The following PUS7 variants were observed in gnomAD, a reference collection of about 807,000 sequenced individuals.
The protein encoded by PUS7 is pseudouridine synthase 7.
In PUS7, 48 loss-of-function variants were observed where a neutral mutation model predicts 79.8. That is an observed-to-expected ratio of 0.60 (90% CI 0.48 to 0.76). PUS7 has a LOEUF of 0.76. PUS7 is among the 30% of genes least tolerant of loss of function. PUS7 has a pLI of 0.00. For missense variants in PUS7, 729 were observed against 797.6 expected, an observed-to-expected ratio of 0.91 and a Z score of 1.04; for synonymous variants, 286 against 272.2, an observed-to-expected ratio of 1.05 and a Z score of -0.50.
At chr7:105,468,495 C>T (rs746076425) in intron 11 of PUS7, 32 bp from the exon 12 acceptor site, 20 of 1,545,502 alleles carry the variant, frequency 1.3e-5, no homozygotes, top group Non-Finnish European at 1.6e-5. Context: ...GGCAAGAAAA[C>T]ATATTCTAAA....
chr7:105,513,492 T>C (rs905090516), intron 1 of PUS7, among the ~76,000 whole-genome samples: 63 of 152,366 alleles, frequency 4.1e-4, no homozygotes, highest in African/African-American at 1.5e-3. Context: ...AGGTCTGTAA[T>C]AGCTCCTCTT....
At position 105,457,888 on chromosome 7, in the gene PUS7, G is replaced by T; in HGVS notation, c.1888C>A (p.Pro630Thr). 1 of 1,613,914 alleles carries T rather than the reference G, an allele frequency of 6.2e-7. No homozygotes were observed. Among genetic ancestry groups the T allele is most frequent in the South Asian group, 1.1e-5 (1 of 91,064 alleles). Residue 630 changes from proline to threonine, a missense_variant, in exon 16 of 16, where the codon CCC (proline) becomes ACC (threonine). By Grantham distance (38) the Pro-to-Thr change is conservative. Transcript: ENST00000469408. ...YRALKMDFSLPPSTYATMAIR... is the reference protein window; with the variant it reads ...YRALKMDFSLTPSTYATMAIR... ...GCCATGGTGGCGTAAGTAGAAGGGG[G>T]TAGAGAAAAATCCATTTTCAGAGCC...
chr7:105,491,596 G>A lies in PUS7; in HGVS notation c.864C>T (p.Ser288=). 1 of 1,598,634 alleles carries A rather than the reference G, an allele frequency of 6.3e-7. No homozygotes were observed. Among genetic ancestry groups the A allele is most frequent in the Non-Finnish European group, 8.6e-7 (1 of 1,166,422 alleles). ...KYLRVKPNIF[S]YMGTKDKRAI... is the part of the protein sequence containing the mutation. ...CCCTTTTATCTTTGGTTCCCATGTAGGAGAATATATTTGGCTTGACTCTGG... is the reference window on the plus strand; with the variant it reads ...CCCTTTTATCTTTGGTTCCCATGTAAGAGAATATATTTGGCTTGACTCTGG... Residue 288 remains serine, a synonymous_variant, in exon 7 of 16, where the codon TCC becomes TCT. Coordinates refer to ENST00000469408, the MANE Select transcript of PUS7 (RefSeq NM_019042.5).
In PUS7 at chr7:105,471,249, T is replaced by C. The variant is rs576256806; in HGVS notation, c.1238-401A>G. On this transcript the variant is annotated intron_variant, in intron 10 of 15. Transcript: ENST00000469408. ...ATTACCCAAAGTGAGCACAATTATT[T>C]TGACAATCAGTAGTTTAATCCTTTT... 2.6e-5 allele frequency among the ~76,000 whole-genome samples: 4 copies of C among 152,330 alleles called. No homozygotes were observed. In the South Asian group the frequency reaches 8.3e-4, roughly 32 times the overall value.
In PUS7 at chr7:105,495,240, A is replaced by G. The variant is rs368537795; in HGVS notation, c.744T>C (p.His248=). The G allele has an allele frequency of 6.2e-7, 1 of 1,603,178 alleles. No homozygotes were observed. Among genetic ancestry groups the G allele is most frequent in the East Asian group, 2.2e-5 (1 of 44,736 alleles). ...GKKALANPRK[H]SWPKSRGSYC... ...AACTTCCCCTAGATTTTGGCCAAGA[A>G]TGTTTTCTTGGATCTTGAAAGCAAA... Residue 248 remains histidine (H), a synonymous_variant, in exon 6 of 16, where the codon CAT becomes CAC. Coordinates refer to ENST00000469408, the MANE Select transcript of PUS7 (RefSeq NM_019042.5).
At chr7:105,511,335 A>T (rs544492240) in intron 1 of PUS7, among the ~76,000 whole-genome samples, 14 of 149,958 alleles carry the variant, frequency 9.3e-5, no homozygotes, top group African/African-American at 3.4e-4. Context: ...ACCTGGCCCC[A>T]TTCCCGTTTA....
chr7:105,516,360 G>C (rs1286017225), intron 1 of PUS7, among the ~76,000 whole-genome samples: 1 of 152,128 alleles, frequency 6.6e-6, no homozygotes, highest in South Asian at 2.1e-4. Flanking sequence ...TAGAAGAACT[G>C]TTCAGAGCTC....
intron 5 of PUS7, among the ~76,000 whole-genome samples, chr7:105,501,237 TAAAC>T (rs1423662013): frequency 6.6e-6 from 1 of 152,224 alleles, no homozygotes; most frequent in Non-Finnish European, 1.5e-5. Context: ...CCCTAATAAA[TAAAC>T]AGTTTTTTGT....
At chr7:105,505,591 C>T (rs1825422907) in intron 4 of PUS7, among the ~76,000 whole-genome samples, 1 of 152,016 alleles carries the variant, frequency 6.6e-6, no homozygotes, top group African/African-American at 2.4e-5. Context: ...ATTTGTGGTC[C>T]CTAAATTTTT....
intron 7 of PUS7, 142 bp downstream of exon 7, chr7:105,491,398 A>C: frequency 6.5e-6 from 3 of 462,644 alleles, no homozygotes; most frequent in Middle Eastern, 6.0e-4. Flanking sequence ...GAAGAAGAAA[A>C]AAACAGAATG....
At chr7:105,480,953 G>T in intron 9 of PUS7, 99 bp downstream of exon 9, 1 of 1,362,388 alleles carries the variant, frequency 7.3e-7, no homozygotes. Context: ...ATTTGCCCCA[G>T]ACATGGGAGA....
chr7:105,510,301 CA>C (rs575441522), intron 1 of PUS7, among the ~76,000 whole-genome samples: 16 of 144,690 alleles, frequency 1.1e-4, no homozygotes, highest in Admixed American at 5.5e-4. Context: ...ACTCTATCTC[CA>C]AAAAAAAAAT....
rs2133254783 is a variant in PUS7, at chr7:105,508,213, ACT to A, written c.298_299del (p.Ser100PhefsTer11). On this transcript the variant is annotated frameshift_variant, in exon 2 of 16. Transcript: ENST00000469408. LOFTEE classifies it high-confidence loss of function. ...GTCCATGCTTCATCATGTCTGCAAAACTCTCTGATTCCTCCTCCTCGCACTCC... is the reference window on the plus strand; with the variant it reads ...GTCCATGCTTCATCATGTCTGCAAAACTCTGATTCCTCCTCCTCGCACTCC... ...SEECEEEESESFADMMKHGLT... is the reference protein window; with the variant it reads ...SEECEEEESEXFADMMKHGLT... 11 of 1,613,572 alleles carry A rather than the reference ACT, an allele frequency of 6.8e-6. No homozygotes were observed. Among genetic ancestry groups the A allele is most frequent in the South Asian group, 1.1e-5 (1 of 91,036 alleles).
At chr7:105,514,891 A>C (rs1162894920) in intron 1 of PUS7, among the ~76,000 whole-genome samples, 1 of 150,980 alleles carries the variant, frequency 6.6e-6, no homozygotes, top group Admixed American at 6.6e-5. Context: ...TCCTGGGCTC[A>C]CGCCATTCTC....
chr7:105,501,970 AT>A (rs68060365), intron 5 of PUS7, among the ~76,000 whole-genome samples: 3,575 of 74,170 alleles, frequency 0.048, 133 homozygotes, highest in African/African-American at 0.14. Flanking sequence ...AAAAAAAAAA[AT>A]ATATATATAT....
Position 105,456,587 on chromosome 7 carries a change from A to T in PUS7, c.*1203T>A, listed in dbSNP as rs1823198763. The T allele has an allele frequency of 6.6e-6, 1 of 152,206 alleles. No homozygotes were observed. Among genetic ancestry groups the T allele is most frequent in the South Asian group, 2.1e-4 (1 of 4,832 alleles). The allele number at this position is 152,206 out of a possible 1,614,324, so 9.4% of individuals were successfully genotyped here. A position where few individuals can be genotyped will look rare whatever the true frequency, so the allele number is the denominator to read the frequency against. ...AAAAATATTTATTACATTTGTTTCT[A>T]GAAATCATAGAAAATAAAAATTGAT... is the stretch of plus-strand genomic sequence containing the variant. On this transcript the variant is annotated 3_prime_UTR_variant, in exon 16 of 16. Coordinates refer to ENST00000469408, the MANE Select transcript of PUS7 (RefSeq NM_019042.5).
At chr7:105,518,063 G>C (rs529228807) in intron 1 of PUS7, among the ~76,000 whole-genome samples, 2 of 151,744 alleles carry the variant, frequency 1.3e-5, no homozygotes, top group Non-Finnish European at 2.9e-5. Context: ...CAGGAGAATC[G>C]CTTGAACTGG....
At chr7:105,502,069 G>A (rs1825277145) in intron 5 of PUS7, among the ~76,000 whole-genome samples, 1 of 151,530 alleles carries the variant, frequency 6.6e-6, no homozygotes, top group African/African-American at 2.4e-5. Flanking sequence ...TTTCCTCCAT[G>A]AAGAACACAG....
At position 105,506,072 on chromosome 7, in the gene PUS7, G is replaced by A. The variant is rs201609169; in HGVS notation, c.484-16C>T. 1.2e-4 allele frequency: 198 copies of A among 1,601,928 alleles called. No individual in the cohort carries two copies. Among genetic ancestry groups the A allele is most frequent in the Non-Finnish European group, 1.6e-4 (192 of 1,171,866 alleles). On this transcript the variant is annotated splice_polypyrimidine_tract_variant and intron_variant, in intron 3 of 15. Coordinates refer to ENST00000469408, the MANE Select transcript of PUS7 (RefSeq NM_019042.5). ...CTGAAGGGTCCTTTAAAATAACCATGAGAACTCACAATGAATCATACATAG... is the reference window on the plus strand; with the variant it reads ...CTGAAGGGTCCTTTAAAATAACCATAAGAACTCACAATGAATCATACATAG...
Sources: gnomAD v4.1 joint callset for allele counts (sites outside exome capture counted in the v4.1 genomes callset) on GRCh38, gnomAD v4.1.1 for gene constraint, MANE v1.5 for transcripts, NCBI Gene and HGNC (gene_info 2026-07-23, HGNC 2026-07-21) for gene names.